The following DOK6 variants were observed in gnomAD, a reference collection of about 807,000 sequenced individuals.
DOK6 encodes the protein downstream of tyrosine kinase 6.
DOK6 carries 22 observed loss-of-function variants against 44.0 expected under a neutral mutation model. That is an observed-to-expected ratio of 0.50 (90% CI 0.36 to 0.71). The LOEUF is 0.71. Among genes scored for constraint, DOK6 ranks in the 30% least tolerant of loss-of-function variants. The pLI is 0.00. For missense variants in DOK6, 340 were observed against 416.4 expected, an observed-to-expected ratio of 0.82 and a Z score of 1.60; for synonymous variants, 166 against 145.5, an observed-to-expected ratio of 1.14 and a Z score of -1.01.
intron 3 of DOK6, among the ~76,000 whole-genome samples, chr18:69,658,244 C>T (rs34676800): frequency 2.6e-5 from 4 of 152,266 alleles, no homozygotes; most frequent in South Asian, 2.1e-4. Flanking sequence ...TAAGCCACCA[C>T]GCCCAGCCTG....
At chr18:69,695,761 A>T (rs1986374772) in intron 4 of DOK6, among the ~76,000 whole-genome samples, 2 of 152,202 alleles carry the variant, frequency 1.3e-5, no homozygotes, top group African/African-American at 2.4e-5. Flanking sequence ...TTAGGAGAGA[A>T]TAGATTTTGA....
chr18:69,641,957 T>A (rs1269589624), intron 3 of DOK6, among the ~76,000 whole-genome samples: 1 of 152,236 alleles, frequency 6.6e-6, no homozygotes, highest in African/African-American at 2.4e-5. Context: ...GCATTTTTAT[T>A]TCATTAGGGG....
chr18:69,430,626 A>T (rs1046043210), intron 1 of DOK6, among the ~76,000 whole-genome samples: 9 of 152,316 alleles, frequency 5.9e-5, no homozygotes, highest in Admixed American at 2.0e-4. Context: ...TTGCAAAAAT[A>T]GCAGAGAGTA....
intron 7 of DOK6, among the ~76,000 whole-genome samples, chr18:69,770,930 G>A (rs1875642705): frequency 6.6e-6 from 1 of 151,808 alleles, no homozygotes; most frequent in Non-Finnish European, 1.5e-5. Context: ...CCTGTTGTTA[G>A]TTCATATGAC....
At chr18:69,472,757 G>A (rs1980151369) in intron 1 of DOK6, among the ~76,000 whole-genome samples, 1 of 151,702 alleles carries the variant, frequency 6.6e-6, no homozygotes, top group Admixed American at 6.6e-5. Context: ...CACACACACG[G>A]GATCTCATTA....
At position 69,558,196 on chromosome 18, in the gene DOK6, T is replaced by C. The variant is rs935591782; in HGVS notation, c.67-6291T>C. 3.3e-5 allele frequency among the ~76,000 whole-genome samples: 5 copies of C among 152,276 alleles called. No homozygotes were observed. The Middle Eastern group carries it at 0.01, about 311-fold the overall frequency. On this transcript the variant is annotated intron_variant, in intron 1 of 7. Transcript: ENST00000382713. Reference sequence around the variant, plus strand: ...ACACTCTCACATAAGGCATCAGTTATAGGGCCTAAAGCAGATCCTAATGCA... The same window carrying C: ...ACACTCTCACATAAGGCATCAGTTACAGGGCCTAAAGCAGATCCTAATGCA...
intron 3 of DOK6, among the ~76,000 whole-genome samples, chr18:69,600,646 C>T (rs1326056238): frequency 6.6e-6 from 1 of 151,812 alleles, no homozygotes; most frequent in Non-Finnish European, 1.5e-5. Flanking sequence ...TCTCTGGGCT[C>T]TTAATCTCTC....
chr18:69,545,834 C>T (rs1982389010), intron 1 of DOK6, among the ~76,000 whole-genome samples: 1 of 151,270 alleles, frequency 6.6e-6, no homozygotes, highest in South Asian at 2.1e-4. Flanking sequence ...AATTTTTAAG[C>T]TACAAAGTTG....
chr18:69,482,021 C>A (rs1357296922), intron 1 of DOK6, among the ~76,000 whole-genome samples: 2 of 152,170 alleles, frequency 1.3e-5, no homozygotes, highest in Non-Finnish European at 2.9e-5. Context: ...TAAATGTCTT[C>A]TTTTGAGAAG....
At chr18:69,529,459 ATTT>A (rs1354291315) in intron 1 of DOK6, among the ~76,000 whole-genome samples, 1 of 152,110 alleles carries the variant, frequency 6.6e-6, no homozygotes, top group East Asian at 1.9e-4. Context: ...CGCAATCTTT[ATTT>A]ATTTGTGCAT....
chr18:69,791,920 G>T (rs951669787), intron 7 of DOK6, among the ~76,000 whole-genome samples: 1 of 151,934 alleles, frequency 6.6e-6, no homozygotes, highest in Admixed American at 6.6e-5. Context: ...TTTTCATTTG[G>T]TTTTTGTATA....
At chr18:69,567,831 C>T (rs1045441820) in intron 2 of DOK6, among the ~76,000 whole-genome samples, 3 of 152,224 alleles carry the variant, frequency 2.0e-5, no homozygotes, top group Non-Finnish European at 4.4e-5. Flanking sequence ...TGGCTTTACT[C>T]AGCAGCTCTC....
intron 1 of DOK6, among the ~76,000 whole-genome samples, chr18:69,463,833 A>T (rs1306403036): frequency 6.6e-6 from 1 of 151,862 alleles, no homozygotes; most frequent in African/African-American, 2.4e-5. Context: ...GTTAATCTTA[A>T]TTGCGTCCTC....
At chr18:69,694,014 C>T (rs548520747) in intron 4 of DOK6, among the ~76,000 whole-genome samples, 49 of 140,450 alleles carry the variant, frequency 3.5e-4, no homozygotes, top group Non-Finnish European at 6.2e-4. Context: ...AGCCGAGATC[C>T]CGCCACCGCA....
intron 3 of DOK6, chr18:69,661,537 G>A (rs1985526882): frequency 6.6e-6 from 1 of 152,174 alleles, no homozygotes; most frequent in African/African-American, 2.4e-5. Flanking sequence ...AACTCAGTCA[G>A]GTGTGAGAAA....
intron 1 of DOK6, among the ~76,000 whole-genome samples, chr18:69,412,186 T>C (rs1978309193): frequency 6.6e-6 from 1 of 152,120 alleles, no homozygotes; most frequent in Admixed American, 6.6e-5. Flanking sequence ...TTAACAGAAA[T>C]GGAACTTTCT....
intron 1 of DOK6, among the ~76,000 whole-genome samples, chr18:69,519,871 C>A (rs957425393): frequency 1.3e-4 from 19 of 151,532 alleles, no homozygotes; most frequent in African/African-American, 4.1e-4. Flanking sequence ...GTCAATAAAC[C>A]CTTAAATAGA....
At chr18:69,503,652 C>A (rs574986010) in intron 1 of DOK6, among the ~76,000 whole-genome samples, 4 of 151,916 alleles carry the variant, frequency 2.6e-5, no homozygotes, top group Admixed American at 6.6e-5. Flanking sequence ...CATATATTAT[C>A]TTTAAAAATA....
chr18:69,609,218 T>C (rs569620701), intron 3 of DOK6, among the ~76,000 whole-genome samples: 1 of 152,202 alleles, frequency 6.6e-6, no homozygotes, highest in South Asian at 2.1e-4. Flanking sequence ...GAAAAGGCAA[T>C]CTACAGAATG....
Sources: gnomAD v4.1 joint callset for allele counts (sites outside exome capture counted in the v4.1 genomes callset) on GRCh38, gnomAD v4.1.1 for gene constraint, MANE v1.5 for transcripts, NCBI Gene and HGNC (gene_info 2026-07-23, HGNC 2026-07-21) for gene names.